The following CBLN2 variants were observed in gnomAD, a reference collection of about 807,000 sequenced individuals.
CBLN2 encodes cerebellin-2.
CBLN2 carries 7 observed loss-of-function variants against 15.0 expected under a neutral mutation model. The ratio of observed to expected loss-of-function variants is 0.47; its 90% CI spans 0.27 to 0.88. The LOEUF is 0.88. Among genes scored for constraint, CBLN2 ranks in the 40% least tolerant of loss-of-function variants. CBLN2 has a pLI of 0.14. For synonymous variants in CBLN2, 149 were observed against 135.2 expected (o/e 1.10, Z -0.71); for missense variants, 242 against 304.5 (o/e 0.79, Z 1.53).
chr18:72,625,634 C>G (rs1684648823), intron 1 of CBLN2, among the ~76,000 whole-genome samples: 1 of 144,210 alleles, frequency 6.9e-6, no homozygotes, highest in African/African-American at 2.5e-5. Flanking sequence ...TATAAATATA[C>G]AGTATTACTC....
intron 1 of CBLN2, among the ~76,000 whole-genome samples, chr18:72,580,586 CAT>C (rs144461792): frequency 2.6e-5 from 4 of 151,380 alleles, no homozygotes; most frequent in African/African-American, 4.9e-5. Flanking sequence ...GAATCACACA[CAT>C]ATATATATAT....
intron 1 of CBLN2, among the ~76,000 whole-genome samples, chr18:72,579,207 T>G (rs928292541): frequency 6.6e-6 from 1 of 152,176 alleles, no homozygotes; most frequent in African/African-American, 2.4e-5. Flanking sequence ...CTCCAAAATT[T>G]GAAGTATAAA....
intron 1 of CBLN2, among the ~76,000 whole-genome samples, chr18:72,617,042 A>G (rs908945998): frequency 6.6e-6 from 1 of 152,346 alleles, no homozygotes; most frequent in African/African-American, 2.4e-5. Flanking sequence ...CTCAGAAATT[A>G]AGAAAATTGA....
chr18:72,565,179 T>C (rs2069286472), intron 1 of CBLN2, among the ~76,000 whole-genome samples: 1 of 152,180 alleles, frequency 6.6e-6, no homozygotes, highest in Non-Finnish European at 1.5e-5. Flanking sequence ...GTTACTATCC[T>C]GAAAACATAT....
At chr18:72,619,257 A>T in intron 1 of CBLN2, 2 of 881,422 alleles carry the variant, frequency 2.3e-6, no homozygotes, top group Non-Finnish European at 3.5e-6. Context: ...GCAGGAGAGG[A>T]GAGCCAGAGA....
rs12605637 is a variant in CBLN2 at position 72,572,740 on chromosome 18, T to A, written c.16-33968A>T. ...AGCTTGCTTTTGATGACATAAATCA[T>A]AACAAATTCTATTTTTAAGAGAGCT... On this transcript the variant is annotated intron_variant, in intron 1 of 2. Transcript: ENST00000581073. Among the ~76,000 whole-genome samples the A allele has an allele frequency of 0.046, 7,015 of 152,158 alleles. 800 individuals are homozygous for A. In the East Asian group the frequency reaches 0.5, roughly 11 times the overall value.
chr18:72,616,648 G>A (rs2144961360), intron 1 of CBLN2, among the ~76,000 whole-genome samples: 1 of 152,180 alleles, frequency 6.6e-6, no homozygotes, highest in South Asian at 2.1e-4. Context: ...CTCTATAAAT[G>A]GATTAATGGT....
rs73966255 is a variant in CBLN2, at chr18:72,537,729, A to G, written c.*447T>C. The G allele has an allele frequency of 7.9e-5, 17 of 215,300 alleles. No individual in the cohort carries two copies. Among genetic ancestry groups the G allele is most frequent in the Non-Finnish European group, 1.6e-4 (17 of 106,786 alleles). The allele number at this position is 215,300 out of a possible 1,614,324, so 13.3% of individuals were successfully genotyped here. A position where few individuals can be genotyped will look rare whatever the true frequency, so the allele number is the denominator to read the frequency against. On this transcript the variant is annotated 3_prime_UTR_variant, in exon 5 of 5. Transcript: ENST00000269503. ...AAGGCTATACAGACACACACAGAAC[A>G]CATGTCAAGGACTGTCCAGCAGGTG...
intron 1 of CBLN2, among the ~76,000 whole-genome samples, chr18:72,571,760 T>G (rs1355443613): frequency 6.6e-6 from 1 of 152,222 alleles, no homozygotes; most frequent in Admixed American, 6.5e-5. Context: ...ATATGGAATC[T>G]TCCAGTAAAC....
rs72634433 is a variant in CBLN2 at position 72,543,858 on chromosome 18, C to G, written c.-212+119G>C. ...AGCGCGGCTCCCTCGCGGGTCCCCTCGGCCCCGCAGCCCCGCCAGTCTCCA... is the reference window on the plus strand; with the variant it reads ...AGCGCGGCTCCCTCGCGGGTCCCCTGGGCCCCGCAGCCCCGCCAGTCTCCA... On this transcript the variant is annotated intron_variant, in intron 1 of 4. Transcript: ENST00000269503. The surrounding 1 kb of genome is among the most constrained non-coding windows in gnomAD (Gnocchi z 6.8). 9,527 of 155,392 alleles carry G rather than the reference C, an allele frequency of 0.061. 986 individuals are homozygous for G. The highest frequency in any genetic ancestry group is 0.54 in the East Asian group (2,860 of 5,294). The allele number at this position is 155,392 out of a possible 1,614,324, so 9.6% of individuals were successfully genotyped here. A position where few individuals can be genotyped will look rare whatever the true frequency, so the allele number is the denominator to read the frequency against.
upstream of CBLN2, among the ~76,000 whole-genome samples, chr18:72,547,069 A>C (rs2069162830): frequency 6.6e-6 from 1 of 151,848 alleles, no homozygotes; most frequent in Non-Finnish European, 1.5e-5. Flanking sequence ...ATATGGAATA[A>C]ATCTAAGTGT....
chr18:72,627,308 G>A (rs1489144002), intron 1 of CBLN2, among the ~76,000 whole-genome samples: 1 of 152,300 alleles, frequency 6.6e-6, no homozygotes, highest in African/African-American at 2.4e-5. Context: ...CAGAACATAT[G>A]TTATTCGAGG....
chr18:72,538,040 G>T lies in CBLN2; in HGVS notation c.*136C>A. ...AAACAAAAGTACTGGAGGTTTCAAA[G>T]GAAATCATTCTTCTACTGCAACAGT... On this transcript the variant is annotated 3_prime_UTR_variant, in exon 5 of 5. Transcript: ENST00000269503. 1 of 857,758 alleles carries T rather than the reference G, an allele frequency of 1.2e-6. No individual in the cohort carries two copies. The allele number at this position is 857,758 out of a possible 1,614,324, so 53.1% of individuals were successfully genotyped here.
At chr18:72,584,325 TC>T (rs1054929330) in intron 1 of CBLN2, among the ~76,000 whole-genome samples, 2 of 151,340 alleles carry the variant, frequency 1.3e-5, no homozygotes, top group African/African-American at 4.9e-5. Flanking sequence ...TTTTTTTTTT[TC>T]CCCTGAGACG....
At chr18:72,567,452 T>C (rs2069302734) in intron 1 of CBLN2, among the ~76,000 whole-genome samples, 3 of 152,196 alleles carry the variant, frequency 2.0e-5, no homozygotes, top group Non-Finnish European at 2.9e-5. Flanking sequence ...ATTTCTGTTA[T>C]ATGTCATCCG....
At chr18:72,576,155 T>G (rs1289683701) in intron 1 of CBLN2, among the ~76,000 whole-genome samples, 1 of 152,230 alleles carries the variant, frequency 6.6e-6, no homozygotes, top group Non-Finnish European at 1.5e-5. Context: ...GGTATTTCTA[T>G]GCAGCTTTTT....
At chr18:72,565,263 A>G (rs538668862) in intron 1 of CBLN2, among the ~76,000 whole-genome samples, 1 of 152,158 alleles carries the variant, frequency 6.6e-6, no homozygotes, top group African/African-American at 2.4e-5. Context: ...CATGGTAGTA[A>G]TACATATTAC....
At position 72,540,703 on chromosome 18, in the gene CBLN2, A is replaced by C. The variant is rs2144862861; in HGVS notation, c.357+1101T>G. ...CAAGAAAAAAAAACCTCAAATACTTAATGCCTAACAATAATTGAGAAATAA... is the reference window on the plus strand; with the variant it reads ...CAAGAAAAAAAAACCTCAAATACTTCATGCCTAACAATAATTGAGAAATAA... On this transcript the variant is annotated intron_variant, in intron 3 of 4. Transcript: ENST00000269503. Among the ~76,000 whole-genome samples, 2 of 152,332 alleles carry C rather than the reference A, an allele frequency of 1.3e-5. 1 individual carries two copies. The highest frequency in any genetic ancestry group is 4.1e-4 in the South Asian group (2 of 4,822).
At chr18:72,552,979 A>C (rs1374740698) in intron 1 of CBLN2, among the ~76,000 whole-genome samples, 1 of 152,194 alleles carries the variant, frequency 6.6e-6, no homozygotes, top group Non-Finnish European at 1.5e-5. Context: ...TGTATTTTTA[A>C]ATTTTCCACC....
Sources: gnomAD v4.1 joint callset for allele counts (sites outside exome capture counted in the v4.1 genomes callset) on GRCh38, gnomAD v4.1.1 for gene constraint, Gnocchi (gnomAD v3.1) non-coding constraint, MANE v1.5 for transcripts, NCBI Gene and HGNC (gene_info 2026-07-23, HGNC 2026-07-21) for gene names.